The following AFDN variants were observed in gnomAD, a reference collection of about 807,000 sequenced individuals.
The protein encoded by AFDN is afadin, adherens junction formation factor, also known as afadin.
AFDN carries 68 observed loss-of-function variants against 216.6 expected under a neutral mutation model. The observed-to-expected ratio is 0.31, with a 90% CI of 0.26 to 0.38. The LOEUF is 0.38. Among genes scored for constraint, AFDN ranks in the 10% least tolerant of loss-of-function variants. The pLI is 1.00. For synonymous variants in AFDN, 868 were observed against 853.7 expected, an observed-to-expected ratio of 1.02 and a Z score of -0.29; for missense variants, 2,136 against 2,342.0, an observed-to-expected ratio of 0.91 and a Z score of 1.82.
At chr6:167,959,252 A>G (rs916028385) in intron 30 of AFDN, among the ~76,000 whole-genome samples, 1 of 152,240 alleles carries the variant, frequency 6.6e-6, no homozygotes, top group Admixed American at 6.5e-5. Context: ...GGGCTGTGCT[A>G]CAGGAAGGGA....
At chr6:167,931,522 A>G (rs1261008292) in intron 23 of AFDN, among the ~76,000 whole-genome samples, 1 of 152,178 alleles carries the variant, frequency 6.6e-6, no homozygotes, top group Non-Finnish European at 1.5e-5. Context: ...GAAATGAAGC[A>G]TCTGTTAATG....
intron 1 of AFDN, among the ~76,000 whole-genome samples, chr6:167,858,546 A>G (rs746584726): frequency 1.1e-4 from 16 of 152,162 alleles, no homozygotes. Context: ...GGTCTTTCTC[A>G]GATTTGGTGA....
At chr6:167,840,059 T>A (rs937289948) in intron 1 of AFDN, among the ~76,000 whole-genome samples, 1 of 152,156 alleles carries the variant, frequency 6.6e-6, no homozygotes, top group Non-Finnish European at 1.5e-5. Flanking sequence ...GCAGAGTGTG[T>A]TCAGGGCTGT....
intron 1 of AFDN, among the ~76,000 whole-genome samples, chr6:167,839,698 A>G (rs1218580321): frequency 6.6e-6 from 1 of 152,174 alleles, no homozygotes; most frequent in African/African-American, 2.4e-5. Context: ...TTGAGTGGTC[A>G]TCCACTATAT....
At chr6:167,864,060 C>T (rs138904552) in intron 1 of AFDN, among the ~76,000 whole-genome samples, 1,876 of 152,216 alleles carry the variant, frequency 0.012, 45 homozygotes, top group African/African-American at 0.043. Flanking sequence ...GCTTTTGACC[C>T]TTGGAGCTGG....
chr6:167,908,710 A>G (rs1168378473), intron 13 of AFDN, among the ~76,000 whole-genome samples: 1 of 152,234 alleles, frequency 6.6e-6, no homozygotes, highest in Non-Finnish European at 1.5e-5. Context: ...ATTTTTTACC[A>G]TAAACACATA....
intron 23 of AFDN, among the ~76,000 whole-genome samples, chr6:167,927,596 C>T (rs556564132): frequency 4.6e-5 from 7 of 152,236 alleles, no homozygotes; most frequent in South Asian, 4.1e-4. Flanking sequence ...TTCAGGAGTT[C>T]GTCAGAGGAA....
At chr6:167,868,417 A>G (rs1449718367) in intron 2 of AFDN, among the ~76,000 whole-genome samples, 1 of 152,192 alleles carries the variant, frequency 6.6e-6, no homozygotes, top group Non-Finnish European at 1.5e-5. Context: ...CAGCATTTGG[A>G]GACCTTTGTT....
intron 2 of AFDN, among the ~76,000 whole-genome samples, chr6:167,867,741 T>A (rs898677381): frequency 3.3e-5 from 5 of 152,178 alleles, no homozygotes; most frequent in Admixed American, 6.5e-5. Flanking sequence ...ACATGATAAT[T>A]CTCTAGCTAG....
At chr6:167,881,216 T>G (rs1786064592) in intron 6 of AFDN, among the ~76,000 whole-genome samples, 3 of 152,194 alleles carry the variant, frequency 2.0e-5, no homozygotes, top group Non-Finnish European at 4.4e-5. Context: ...AAAGGGTGTG[T>G]TGTTTGAGTT....
At chr6:167,969,713 A>G in intron 33 of AFDN, 69 bp from the exon 34 acceptor site, 4 of 1,463,252 alleles carry the variant, frequency 2.7e-6, no homozygotes, top group South Asian at 1.3e-5. Context: ...CCATTTTGCA[A>G]ACGTGTGTAA....
intron 1 of AFDN, among the ~76,000 whole-genome samples, chr6:167,831,327 A>G (rs1044162898): frequency 1.3e-5 from 2 of 152,160 alleles, no homozygotes; most frequent in Non-Finnish European, 2.9e-5. Context: ...CCAATGATGT[A>G]TTTTTAGTAT....
chr6:167,877,416 T>C (rs1273313235), intron 5 of AFDN, among the ~76,000 whole-genome samples: 1 of 152,136 alleles, frequency 6.6e-6, no homozygotes, highest in East Asian at 1.9e-4. Flanking sequence ...GGGAAAGCCA[T>C]TGATTGTTAA....
Position 167,951,620 on chromosome 6 carries a change from T to A in AFDN, c.4266T>A (p.His1422Gln). 1 of 1,613,872 alleles carries A rather than the reference T, an allele frequency of 6.2e-7. No homozygotes were observed. Among genetic ancestry groups the A allele is most frequent in the Non-Finnish European group, 8.5e-7 (1 of 1,180,002 alleles). Reference sequence around the variant, plus strand: ...CTGAACGGAGAAAGAGAGAAGAACATCAGCGTTGGTATGAGAAGGAGAAGG... The same window carrying A: ...CTGAACGGAGAAAGAGAGAAGAACAACAGCGTTGGTATGAGAAGGAGAAGG... ...AAAERRKREE[H>Q]QRWYEKEKAR... is the part of the protein sequence containing the mutation. Residue 1422 changes from histidine (H) to glutamine (Q), a missense_variant, in exon 30 of 34, where the codon CAT becomes CAA. Coordinates refer to ENST00000683244, the MANE Select transcript of AFDN (RefSeq NM_001386888.1). The surrounding 1 kb of genome is among the most constrained non-coding windows in gnomAD (Gnocchi z 7.1).
At chr6:167,919,021 T>G (rs370042856) in intron 21 of AFDN, 88 bp downstream of exon 21, 4 of 1,181,282 alleles carry the variant, frequency 3.4e-6, no homozygotes, top group African/African-American at 3.0e-5. Flanking sequence ...GGTAGTCCAC[T>G]TGTGTGGGAG....
At chr6:167,956,169 G>T (rs1796500960) in intron 30 of AFDN, among the ~76,000 whole-genome samples, 1 of 147,920 alleles carries the variant, frequency 6.8e-6, no homozygotes. Flanking sequence ...GTAAGAATTG[G>T]CAGGTTACCC....
intron 1 of AFDN, among the ~76,000 whole-genome samples, chr6:167,853,555 G>A (rs992726227): frequency 3.9e-5 from 6 of 151,908 alleles, no homozygotes; most frequent in Non-Finnish European, 1.5e-5. Context: ...GTCTTTTTTT[G>A]TTAAATAGTT....
intron 2 of AFDN, among the ~76,000 whole-genome samples, chr6:167,865,811 T>C (rs1249738436): frequency 1.3e-5 from 2 of 151,824 alleles, no homozygotes; most frequent in Admixed American, 6.6e-5. Context: ...TTTTTTTTTT[T>C]ACTCAAAAAA....
At chr6:167,947,799 T>C (rs748647090) in intron 27 of AFDN, 54 bp from the exon 28 acceptor site, 2 of 1,162,336 alleles carry the variant, frequency 1.7e-6, no homozygotes, top group Non-Finnish European at 2.6e-6. Flanking sequence ...TCATGTTATA[T>C]ATAGGTTGTT....
Sources: allele counts gnomAD v4.1 joint callset (sites outside exome capture counted in the v4.1 genomes callset), GRCh38; gene constraint gnomAD v4.1.1; non-coding constraint Gnocchi (gnomAD v3.1); transcripts MANE v1.5; gene names NCBI Gene and HGNC (gene_info 2026-07-23, HGNC 2026-07-21).